The following MAP7D3 variants were observed in gnomAD, a reference collection of about 807,000 sequenced individuals.
MAP7D3 encodes MAP7 domain containing 3.
MAP7D3 carries 45 observed loss-of-function variants against 62.2 expected under a neutral mutation model. The ratio of observed to expected loss-of-function variants is 0.72; its 90% CI spans 0.57 to 0.93. The LOEUF (loss-of-function observed/expected upper bound fraction) is 0.93. Ranked by LOEUF, MAP7D3 falls within the 40% of genes least tolerant of loss-of-function variation. The probability of loss-of-function intolerance (pLI) is 0.00; values close to 1 mark genes in which losing one functional copy is unlikely to be tolerated. For missense variants in MAP7D3, 711 were observed against 683.1 expected, an observed-to-expected ratio of 1.04 and a Z score of -0.45; for synonymous variants, 288 against 248.8, an observed-to-expected ratio of 1.16 and a Z score of -1.48.
chrX:136,240,052 T>C (rs1249026570), intron 6 of MAP7D3, among the ~76,000 whole-genome samples: 2 of 110,537 alleles, frequency 1.8e-5, no homozygotes, highest in Non-Finnish European at 3.8e-5. Context: ...CTACCAAAAG[T>C]ACAAAAGTTA....
upstream of MAP7D3, chrX:136,256,304 C>T (rs2074551039): frequency 8.7e-7 from 1 of 1,155,095 alleles, no homozygotes; most frequent in Non-Finnish European, 1.1e-6. Context: ...ACAGACTTAC[C>T]TCGGGGGCTG....
chrX:136,232,041 G>GA lies in MAP7D3; in HGVS notation c.915_916insT (p.Pro306SerfsTer27). The stretch of plus-strand genomic sequence containing the variant: ...AATACTTCCACATTCACCTGGGGGG[G>GA]TGCATCCACACTTGCCTTGGGAGGT... On this transcript the variant is annotated frameshift_variant, in exon 8 of 19. Transcript: ENST00000316077. LOFTEE classifies it high-confidence loss of function. The GA allele has an allele frequency of 8.3e-7, 1 of 1,209,981 alleles. No homozygotes were observed. Among genetic ancestry groups the GA allele is most frequent in the Non-Finnish European group, 1.1e-6 (1 of 894,382 alleles).
rs772018995 is a variant in MAP7D3 at position 136,236,297 on chromosome X, T to C, written c.683A>G (p.Asp228Gly). The change falls in exon 7 of 19, where the codon GAT (aspartate) becomes GGT (glycine). Residue 228 changes from aspartate to glycine, a missense_variant. Coordinates refer to ENST00000316077, the MANE Select transcript of MAP7D3 (RefSeq NM_024597.4). ...KERSSSLNRR[D>G]SNLHSSTDKE... ...ATCAGTAGACGAATGTAGGTTACTA[T>C]CTCTTCTATTTAAAGATGAGCTTCT... is the stretch of plus-strand genomic sequence containing the variant. The C allele has an allele frequency of 8.4e-7, 1 of 1,197,218 alleles. No homozygotes were observed. Among genetic ancestry groups the C allele is most frequent in the Non-Finnish European group, 1.1e-6 (1 of 884,649 alleles).
chrX:136,226,060 T>A, intron 12 of MAP7D3, 47 bp from the exon 13 acceptor site: 1 of 900,085 alleles, frequency 1.1e-6, no homozygotes, highest in Non-Finnish European at 1.6e-6. Flanking sequence ...GATACCTGAG[T>A]GACATCAGAG....
Position 136,224,817 on chromosome X carries a change from T to A in MAP7D3, c.2193+10A>T. On this transcript the variant is annotated intron_variant, in intron 14 of 18. Coordinates refer to ENST00000316077, the MANE Select transcript of MAP7D3 (RefSeq NM_024597.4). The stretch of plus-strand genomic sequence containing the variant: ...TTCTTATACACTGCTGGTAGGAGTA[T>A]GGAGACTACCTTTGAGGCATTCACA... The A allele has an allele frequency of 8.6e-6, 10 of 1,157,479 alleles. No homozygotes were observed. Among genetic ancestry groups the A allele is most frequent in the Non-Finnish European group, 1.2e-5 (10 of 846,452 alleles).
rs1360192118 is a variant in MAP7D3, at chrX:136,246,098, C to T, written c.220G>A (p.Glu74Lys). Reference sequence around the variant, plus strand: ...TGTCTCCTTTTCTCCTCTCTGCGCTCTCTTGCTAATCTTTGTTTTATGTCA... The same window carrying T: ...TGTCTCCTTTTCTCCTCTCTGCGCTTTCTTGCTAATCTTTGTTTTATGTCA... ...KNDIKQRLAR[E>K]RREEKRRQQD... Residue 74 changes from glutamate (E) to lysine (K), a missense_variant, in exon 3 of 19, where the codon GAG becomes AAG. Glu to Lys is a moderately conservative substitution (Grantham distance 56). Coordinates refer to ENST00000316077, the MANE Select transcript of MAP7D3 (RefSeq NM_024597.4). 7 of 1,201,761 alleles carry T rather than the reference C, an allele frequency of 5.8e-6. No homozygotes were observed. In the African/African-American group the frequency reaches 1.2e-4, roughly 21 times the overall value.
chrX:136,219,801 C>T (rs753604191), intron 16 of MAP7D3, 130 bp from the exon 17 acceptor site: 2 of 581,010 alleles, frequency 3.4e-6, no homozygotes, highest in Non-Finnish European at 6.1e-6. Flanking sequence ...AATCATAGAA[C>T]AGGATGACTG....
In MAP7D3 at chrX:136,228,721, G is replaced by A. The variant is rs772400783; in HGVS notation, c.1788C>T (p.Ala596=). The part of the protein sequence containing the change: ...GNKSTAGIMN[A]EAATKILTEL... ...CTGTCAAAATTTTTGTTGCCGCCTCGGCATTCATAATACCTGCAGTACTCT... is the reference window on the plus strand; with the variant it reads ...CTGTCAAAATTTTTGTTGCCGCCTCAGCATTCATAATACCTGCAGTACTCT... Residue 596 remains alanine, a synonymous_variant, in exon 11 of 19, where the codon GCC becomes GCT. Coordinates refer to ENST00000316077, the MANE Select transcript of MAP7D3 (RefSeq NM_024597.4). 10 of 1,202,683 alleles carry A rather than the reference G, an allele frequency of 8.3e-6. No individual in the cohort carries two copies. Among genetic ancestry groups the A allele is most frequent in the African/African-American group, 3.5e-5 (2 of 56,901 alleles).
At chrX:136,252,676 C>CAAAAAAAAA (rs770751343), upstream of MAP7D3, among the ~76,000 whole-genome samples, 28 of 36,041 alleles carry the variant, frequency 7.8e-4, no homozygotes, top group African/African-American at 1.2e-3. Context: ...GACTCTGTCT[C>CAAAAAAAAA]AAAAAAAAAA....
chrX:136,228,340 T>C (rs1202566024), intron 11 of MAP7D3, among the ~76,000 whole-genome samples: 1 of 112,043 alleles, frequency 8.9e-6, no homozygotes, highest in Non-Finnish European at 1.9e-5. Context: ...AGAGATCAAA[T>C]CCTGAATGTG....
upstream of MAP7D3, among the ~76,000 whole-genome samples, chrX:136,252,536 G>A (rs1441113038): frequency 9.5e-6 from 1 of 105,137 alleles, no homozygotes; most frequent in Non-Finnish European, 1.9e-5. Flanking sequence ...AATTAGCCGG[G>A]CATGGTGGTG....
intron 6 of MAP7D3, among the ~76,000 whole-genome samples, chrX:136,236,732 A>G (rs1206558084): frequency 1.8e-5 from 2 of 112,230 alleles, no homozygotes; most frequent in Non-Finnish European, 3.8e-5. Flanking sequence ...ACACATGTGC[A>G]CACACCAGTA....
intron 18 of MAP7D3, among the ~76,000 whole-genome samples, chrX:136,218,810 G>T (rs1196148458): frequency 9.0e-6 from 1 of 111,693 alleles, no homozygotes; most frequent in Non-Finnish European, 1.9e-5. Context: ...CAAGCAACCA[G>T]CAGACCAGGA....
intron 7 of MAP7D3, among the ~76,000 whole-genome samples, chrX:136,234,667 G>A (rs1468236771): frequency 8.9e-6 from 1 of 111,810 alleles, no homozygotes; most frequent in African/African-American, 3.3e-5. Context: ...ATTCAGTGAT[G>A]AAGCCTGCTT....
In MAP7D3 at chrX:136,244,512, A is replaced by C. The variant is rs771154387; in HGVS notation, c.417+120T>G. On this transcript the variant is annotated intron_variant, in intron 4 of 18. Transcript: ENST00000316077. ...GAGGGGAAGAGGAAGCGAAGAAGAAAGAGCTGGGATTGGTTCCCTTTCTAC... is the reference window on the plus strand; with the variant it reads ...GAGGGGAAGAGGAAGCGAAGAAGAACGAGCTGGGATTGGTTCCCTTTCTAC... 1.8e-4 allele frequency: 105 copies of C among 579,524 alleles called. 1 individual carries two copies. The African/African-American group carries it at 2.2e-3, about 12-fold the overall frequency. 47.8% of individuals were successfully genotyped at this position (579,524 alleles called of 1,213,427 possible).
chrX:136,213,672 A>G (rs899543774), downstream of MAP7D3: 3 of 111,554 alleles, frequency 2.7e-5, no homozygotes, highest in Admixed American at 9.5e-5. Context: ...TCAAGACACT[A>G]TGTCCACTCC....
At chrX:136,224,652 A>C (rs902706351) in intron 14 of MAP7D3, among the ~76,000 whole-genome samples, 175 bp downstream of exon 14, 1 of 111,758 alleles carries the variant, frequency 8.9e-6, no homozygotes, top group Admixed American at 9.5e-5. Context: ...TTCACACAAA[A>C]GAAATATGAG....
chrX:136,220,589 G>T (rs1447522692), intron 16 of MAP7D3, among the ~76,000 whole-genome samples, 176 bp downstream of exon 16: 1 of 112,455 alleles, frequency 8.9e-6, no homozygotes, highest in Admixed American at 9.4e-5. Flanking sequence ...ACATGGGGAT[G>T]ATGATCCTTA....
At chrX:136,223,429 G>A (rs978688533) in intron 14 of MAP7D3, among the ~76,000 whole-genome samples, 3 of 110,274 alleles carry the variant, frequency 2.7e-5, no homozygotes, top group African/African-American at 9.9e-5. Context: ...CTCACCATAA[G>A]GGAAAAAATG....
Sources: gnomAD v4.1 joint callset for allele counts (sites outside exome capture counted in the v4.1 genomes callset) on GRCh38, gnomAD v4.1.1 for gene constraint, MANE v1.5 for transcripts, NCBI Gene and HGNC (gene_info 2026-07-23, HGNC 2026-07-21) for gene names.